NCR1: variants seen among roughly 807,000 people sequenced by gnomAD.
NCR1 encodes the protein NK cell-activating receptor.
NCR1 carries 30 observed loss-of-function variants against 32.5 expected under a neutral mutation model. The ratio of observed to expected loss-of-function variants is 0.92; its 90% confidence interval spans 0.69 to 1.25. The LOEUF (loss-of-function observed/expected upper bound fraction) is 1.25. Among genes scored for constraint, NCR1 ranks in the 50% most tolerant of loss-of-function variants. The pLI, the probability that NCR1 is intolerant of heterozygous loss-of-function variation, is 0.00. For missense variants in NCR1, 369 were observed against 380.7 expected (o/e 0.97, Z 0.26); for synonymous variants, 169 against 143.4 (o/e 1.18, Z -1.28).
At chr19:54,922,963 GAGAC>G in the NCR1 span, among the ~76,000 whole-genome samples, 1 of 149,380 alleles carries the variant, frequency 6.7e-6, no homozygotes, top group African/African-American at 2.5e-5. Flanking sequence ...GAGACACACA[GAGAC>G]AGAGAGAGAG....
At chr19:54,925,005 C>G in the NCR1 span, among the ~76,000 whole-genome samples, 1 of 152,012 alleles carries the variant, frequency 6.6e-6, no homozygotes, top group African/African-American at 2.4e-5. Flanking sequence ...CAGAGTGAAC[C>G]CCAGGGTTAA....
the NCR1 span, among the ~76,000 whole-genome samples, chr19:54,900,299 T>C: frequency 6.7e-6 from 1 of 149,936 alleles, no homozygotes; most frequent in Non-Finnish European, 1.5e-5. Flanking sequence ...CAAAGGGAGA[T>C]AGGAGTGCGG....
upstream of NCR1, among the ~76,000 whole-genome samples, chr19:54,902,065 A>G (rs587732617): frequency 5.9e-5 from 9 of 152,370 alleles, no homozygotes; most frequent in East Asian, 1.5e-3. Context: ...TGAAATTTGA[A>G]TAAAGTGGAT....
rs919870508 is a variant in NCR1, at chr19:54,906,324, C to T, written c.60C>T (p.Ser20=). The part of the protein sequence containing the change: ...CVGLCLSQRI[S]AQQQTLPKPF... ...GGCTGTGTCTGAGTCAGAGGATCAG[C>T]GCCCAGCAGCGTGAGTCCTTCCTTC... The change falls in exon 2 of 7, where the codon AGC becomes AGT. Residue 20 remains serine (S), a synonymous_variant. Transcript: ENST00000291890. 7 of 1,613,698 alleles carry T rather than the reference C, an allele frequency of 4.3e-6. No individual in the cohort carries two copies. The highest frequency in any genetic ancestry group is 2.7e-5 in the African/African-American group (2 of 74,936).
Position 54,909,494 on chromosome 19 carries a change from C to G in NCR1, c.605C>G (p.Pro202Arg). The G allele has an allele frequency of 6.2e-7, 1 of 1,606,958 alleles. No homozygotes were observed. Reference protein sequence around the residue: ...GSYNNHAWSFPSEPVKLLVTG... With the variant: ...GSYNNHAWSFRSEPVKLLVTG... Reference sequence around the variant, plus strand: ...TATAACAACCATGCCTGGTCTTTCCCCAGTGAGCCAGTGAAGCTCCTGGTC... The same window carrying G: ...TATAACAACCATGCCTGGTCTTTCCGCAGTGAGCCAGTGAAGCTCCTGGTC... The change falls in exon 4 of 7, where the codon CCC becomes CGC. Residue 202 changes from proline (P) to arginine (R), a missense_variant. Transcript: ENST00000291890.
intron 2 of NCR1, 45 bp from the exon 3 acceptor site, chr19:54,906,478 G>A: frequency 1.3e-6 from 2 of 1,599,742 alleles, no homozygotes; most frequent in Non-Finnish European, 1.7e-6. Context: ...CTAAGGTTGG[G>A]GGGAGGGGGC....
chr19:54,903,530 A>G (rs587761652), upstream of NCR1, among the ~76,000 whole-genome samples: 38 of 112,526 alleles, frequency 3.4e-4, 1 homozygote, highest in East Asian at 7.9e-3. Context: ...GTGTATACAT[A>G]TATATGCATG....
At chr19:54,905,244 C>T (rs1331038578), upstream of NCR1, among the ~76,000 whole-genome samples, 4 of 152,308 alleles carry the variant, frequency 2.6e-5, no homozygotes, top group Non-Finnish European at 4.4e-5. Flanking sequence ...ATCTCACCAG[C>T]ATCTGTTAAT....
chr19:54,903,650 TATATG>T (rs1189445086), upstream of NCR1, among the ~76,000 whole-genome samples: 16 of 138,606 alleles, frequency 1.2e-4, no homozygotes, highest in Admixed American at 1.1e-3. Context: ...TATATACACA[TATATG>T]TATATATGTA....
chr19:54,922,376 G>A, the NCR1 span, among the ~76,000 whole-genome samples: 1 of 152,158 alleles, frequency 6.6e-6, no homozygotes, highest in Non-Finnish European at 1.5e-5. Context: ...ACAGGGTGTG[G>A]AAAAGCTGTG....
intron 3 of NCR1, 124 bp downstream of exon 3, chr19:54,906,931 G>T (rs1330513516): frequency 8.5e-7 from 1 of 1,170,156 alleles, no homozygotes; most frequent in Admixed American, 2.3e-5. Context: ...GGAAGGAGGG[G>T]TGATCCCCAT....
At chr19:54,925,574 G>A in the NCR1 span, among the ~76,000 whole-genome samples, 2 of 152,170 alleles carry the variant, frequency 1.3e-5, no homozygotes, top group African/African-American at 4.8e-5. Flanking sequence ...GTGAGGCCAA[G>A]ACAGGAGGAT....
the NCR1 span, among the ~76,000 whole-genome samples, chr19:54,932,261 C>T: frequency 6.6e-6 from 1 of 151,946 alleles, no homozygotes; most frequent in African/African-American, 2.4e-5. Flanking sequence ...AACCTCATCT[C>T]CACTAAAAGT....
At chr19:54,904,535 T>TC (rs200042294), upstream of NCR1, among the ~76,000 whole-genome samples, 2 of 147,620 alleles carry the variant, frequency 1.4e-5, no homozygotes, top group African/African-American at 2.5e-5. Context: ...TCTTTTCTTT[T>TC]TTTTTTTTTT....
chr19:54,932,554 G>A, the NCR1 span, among the ~76,000 whole-genome samples: 7 of 152,106 alleles, frequency 4.6e-5, no homozygotes, highest in African/African-American at 4.8e-5. Context: ...GGTAGCTCAC[G>A]CTGGGCTTCT....
the NCR1 span, among the ~76,000 whole-genome samples, chr19:54,931,451 A>ATTT: frequency 5.3e-5 from 8 of 152,128 alleles, no homozygotes; most frequent in Non-Finnish European, 8.8e-5. Flanking sequence ...GCACTTTGGG[A>ATTT]GGCTGAGGCA....
At chr19:54,918,358 T>C (rs2068176730), downstream of NCR1, among the ~76,000 whole-genome samples, 1 of 151,888 alleles carries the variant, frequency 6.6e-6, no homozygotes, top group Admixed American at 6.6e-5. Context: ...AACCTCCGCC[T>C]CCCGGGTTCA....
the NCR1 span, among the ~76,000 whole-genome samples, chr19:54,922,761 A>C: frequency 7.1e-6 from 1 of 140,116 alleles, no homozygotes. Context: ...ATGGGCGACA[A>C]GAGTGAAACT....
At chr19:54,934,006 G>A in the NCR1 span, among the ~76,000 whole-genome samples, 85 of 152,294 alleles carry the variant, frequency 5.6e-4, no homozygotes, top group African/African-American at 1.8e-3. This position sits in a 1 kb window ranked among gnomAD's most constrained non-coding sequence, Gnocchi z 6.7. Context: ...GCAGTGGCGC[G>A]ATCTCGGTTC....
Sources: allele counts gnomAD v4.1 joint callset (sites outside exome capture counted in the v4.1 genomes callset), GRCh38; gene constraint gnomAD v4.1.1; non-coding constraint Gnocchi (gnomAD v3.1); transcripts MANE v1.5; gene names NCBI Gene and HGNC (gene_info 2026-07-23, HGNC 2026-07-21).